RFX6: variants seen among roughly 807,000 people sequenced by gnomAD.
The protein encoded by RFX6 is regulatory factor X6.
Under a neutral mutation model 110.8 loss-of-function variants are expected in RFX6, and 50 were observed. The observed-to-expected ratio is 0.45, with a 90% CI of 0.36 to 0.57. The LOEUF is 0.57. RFX6 is among the 20% of genes least tolerant of loss of function. The pLI is 0.00. For missense variants in RFX6, 990 were observed against 1,127.0 expected (o/e 0.88, Z 1.74); for synonymous variants, 383 against 411.2 (o/e 0.93, Z 0.83).
In RFX6 at chr6:116,918,061, GCA is replaced by G; in HGVS notation, c.998_999del (p.Ala333AspfsTer7). ...YKVLTDVLIP[A>X]TMQEMPESLL... ...GGTTCTTACAGATGTACTCATTCCT[GCA>G]ACAATGCAAGAAATGCCTGAAAGGT... On this transcript the variant is annotated frameshift_variant, in exon 10 of 19. Coordinates refer to ENST00000332958, the MANE Select transcript of RFX6 (RefSeq NM_173560.4). LOFTEE classifies it high-confidence loss of function. The G allele has an allele frequency of 6.2e-7, 1 of 1,608,310 alleles. No individual in the cohort carries two copies. Among genetic ancestry groups the G allele is most frequent in the Admixed American group, 1.7e-5 (1 of 59,940 alleles).
chr6:116,899,542 A>G (rs1775022371), intron 6 of RFX6, among the ~76,000 whole-genome samples: 1 of 152,146 alleles, frequency 6.6e-6, no homozygotes, highest in African/African-American at 2.4e-5. Context: ...GTATGACCAA[A>G]CAGAAATTAC....
At chr6:116,888,784 G>A (rs1774756155) in intron 4 of RFX6, among the ~76,000 whole-genome samples, 1 of 152,098 alleles carries the variant, frequency 6.6e-6, no homozygotes, top group South Asian at 2.1e-4. Flanking sequence ...TCCCTAGCAA[G>A]ATTTATTTTA....
At chr6:116,895,073 C>T in intron 5 of RFX6, 107 bp from the exon 6 acceptor site, 1 of 622,170 alleles carries the variant, frequency 1.6e-6, no homozygotes, top group Non-Finnish European at 2.9e-6. Flanking sequence ...CAGCTTATTT[C>T]TCTAATCATG....
At chr6:116,883,354 C>G (rs1208676625) in intron 4 of RFX6, among the ~76,000 whole-genome samples, 1 of 152,124 alleles carries the variant, frequency 6.6e-6, no homozygotes, top group Non-Finnish European at 1.5e-5. Flanking sequence ...AGGCCCTCTT[C>G]CCTCTTCTAC....
intron 6 of RFX6, among the ~76,000 whole-genome samples, chr6:116,901,379 AG>A (rs1387750624): frequency 3.7e-4 from 56 of 151,964 alleles, no homozygotes; most frequent in Non-Finnish European, 2.4e-4. Flanking sequence ...CAGTCACGTT[AG>A]CTACATTTCA....
chr6:116,895,308 G>A, intron 6 of RFX6, 101 bp downstream of exon 6: 3 of 692,488 alleles, frequency 4.3e-6, no homozygotes, highest in Non-Finnish European at 7.6e-6. Context: ...AGAAATAAAT[G>A]TTATTTATTA....
chr6:116,879,700 C>G (rs1013852877), intron 2 of RFX6, among the ~76,000 whole-genome samples: 1 of 151,746 alleles, frequency 6.6e-6, no homozygotes, highest in Non-Finnish European at 1.5e-5. Flanking sequence ...AAATTTTAGT[C>G]AAAATCACCT....
At chr6:116,904,429 T>C (rs1372844736) in intron 6 of RFX6, among the ~76,000 whole-genome samples, 2 of 152,134 alleles carry the variant, frequency 1.3e-5, no homozygotes, top group Non-Finnish European at 2.9e-5. Flanking sequence ...AACAATATTC[T>C]CTATAAATTA....
chr6:116,929,315 C>A (rs1342041564), intron 18 of RFX6, among the ~76,000 whole-genome samples: 1 of 152,118 alleles, frequency 6.6e-6, no homozygotes, highest in Non-Finnish European at 1.5e-5. Flanking sequence ...ATCCTTTTCT[C>A]ACTCTTGATT....
chr6:116,905,276 G>T (rs1260836497), intron 6 of RFX6, among the ~76,000 whole-genome samples: 1 of 152,028 alleles, frequency 6.6e-6, no homozygotes, highest in Non-Finnish European at 1.5e-5. Context: ...GGTTTGATTT[G>T]CATTTCCCTA....
intron 4 of RFX6, among the ~76,000 whole-genome samples, chr6:116,892,147 G>A (rs776282412): frequency 2.6e-5 from 4 of 152,184 alleles, no homozygotes; most frequent in Non-Finnish European, 2.9e-5. Flanking sequence ...TATAATATTT[G>A]TTGCTGCTGT....
chr6:116,929,847 T>C (rs1379003101), intron 18 of RFX6, among the ~76,000 whole-genome samples: 1 of 152,158 alleles, frequency 6.6e-6, no homozygotes, highest in Non-Finnish European at 1.5e-5. Context: ...GAAAATGAAA[T>C]CAATTTCATC....
chr6:116,877,725 G>C (rs1774494105), intron 1 of RFX6, 71 bp from the exon 2 acceptor site: 1 of 1,268,396 alleles, frequency 7.9e-7, no homozygotes, highest in African/African-American at 1.5e-5. Flanking sequence ...TTGAAGTTAA[G>C]GTACACTTAA....
intron 18 of RFX6, among the ~76,000 whole-genome samples, chr6:116,929,523 G>C (rs1292855006): frequency 2.0e-5 from 3 of 152,094 alleles, no homozygotes; most frequent in African/African-American, 7.2e-5. Context: ...AACATATCAT[G>C]TAAGTAAAAA....
At chr6:116,927,919 T>G (rs1042585198) in intron 17 of RFX6, among the ~76,000 whole-genome samples, 3 of 151,644 alleles carry the variant, frequency 2.0e-5, no homozygotes, top group East Asian at 1.9e-4. Flanking sequence ...TATTTTAAAT[T>G]TTTTCTAGAG....
intron 6 of RFX6, among the ~76,000 whole-genome samples, chr6:116,907,760 C>G (rs1775238322): frequency 6.6e-6 from 1 of 152,042 alleles, no homozygotes; most frequent in Non-Finnish European, 1.5e-5. Context: ...ATTATGCTGT[C>G]ACATCCTCTA....
chr6:116,929,251 T>C (rs765977074), intron 18 of RFX6, among the ~76,000 whole-genome samples: 13 of 152,218 alleles, frequency 8.5e-5, no homozygotes, highest in Non-Finnish European at 1.0e-4. Context: ...AAAAGATTAA[T>C]ATGACCTGTC....
At chr6:116,887,199 G>T (rs1487113361) in intron 4 of RFX6, among the ~76,000 whole-genome samples, 3 of 152,126 alleles carry the variant, frequency 2.0e-5, no homozygotes, top group Admixed American at 2.0e-4. Context: ...TGTTTTCAGT[G>T]GCAAGTTCAA....
rs1431924479 is a variant in RFX6 at position 116,893,973 on chromosome 6, T to C, written c.567-14T>C. On this transcript the variant is annotated splice_polypyrimidine_tract_variant and intron_variant, in intron 4 of 18. Coordinates refer to ENST00000332958, the MANE Select transcript of RFX6 (RefSeq NM_173560.4). ...CCTTCACTAACACAGAGCTGGTTCC[T>C]GTCTTTGCTCTAGGTATCATTACTA... 6.7e-7 allele frequency: 1 copy of C among 1,502,258 alleles called. No individual in the cohort carries two copies. Among genetic ancestry groups the C allele is most frequent in the Non-Finnish European group, 9.3e-7 (1 of 1,078,068 alleles). The allele number at this position is 1,502,258 out of a possible 1,614,324, so 93.1% of individuals were successfully genotyped here.
Sources: gnomAD v4.1 joint callset for allele counts (sites outside exome capture counted in the v4.1 genomes callset) on GRCh38, gnomAD v4.1.1 for gene constraint, MANE v1.5 for transcripts, NCBI Gene and HGNC (gene_info 2026-07-23, HGNC 2026-07-21) for gene names.